GLRA1: variants seen among roughly 807,000 people sequenced by gnomAD.
The protein encoded by GLRA1 is glycine receptor alpha 1, also known as glycine receptor subunit alpha-1.
Under a neutral mutation model 48.3 loss-of-function variants are expected in GLRA1, and 37 were observed. The observed-to-expected ratio is 0.77, with a 90% CI of 0.59 to 1.01. The LOEUF is 1.01. Ranked by LOEUF, GLRA1 falls within the 50% of genes least tolerant of loss-of-function variation. GLRA1 has a pLI of 0.00. For synonymous variants in GLRA1, 196 were observed against 210.7 expected (o/e 0.93, Z 0.60); for missense variants, 427 against 571.0 (o/e 0.75, Z 2.57).
chr5:151,828,993 A>G lies in GLRA1; in HGVS notation c.987T>C (p.Tyr329=), dbSNP rs1581597301. ...LLFVFSALLE[Y]AAVNFVSRQH... is the part of the protein sequence containing the mutation. Reference sequence around the variant, plus strand: ...GCCGAGACACAAAGTTAACGGCAGCATATTCTAATAGGGCTGAGAACACAA... The same window carrying G: ...GCCGAGACACAAAGTTAACGGCAGCGTATTCTAATAGGGCTGAGAACACAA... The change falls in exon 8 of 9, where the codon TAT becomes TAC. Residue 329 remains tyrosine, a synonymous_variant. Transcript: ENST00000274576. The G allele has an allele frequency of 6.2e-7, 1 of 1,614,192 alleles. No individual in the cohort carries two copies. The highest frequency in any genetic ancestry group is 8.5e-7 in the Non-Finnish European group (1 of 1,179,990).
At chr5:151,876,081 G>A (rs1204623447) in intron 3 of GLRA1, among the ~76,000 whole-genome samples, 1 of 152,154 alleles carries the variant, frequency 6.6e-6, no homozygotes, top group Non-Finnish European at 1.5e-5. Context: ...TCACAGTAGA[G>A]CTTTTTGAAA....
At chr5:151,825,315 T>G (rs1763245901) in intron 8 of GLRA1, among the ~76,000 whole-genome samples, 1 of 152,158 alleles carries the variant, frequency 6.6e-6, no homozygotes, top group East Asian at 1.9e-4. Context: ...TATTTTTATT[T>G]TTTATTTTAA....
At chr5:151,870,142 AC>A (rs1753439909) in intron 3 of GLRA1, among the ~76,000 whole-genome samples, 1 of 149,730 alleles carries the variant, frequency 6.7e-6, no homozygotes, top group Non-Finnish European at 1.5e-5. Flanking sequence ...AATATAGTAG[AC>A]GTAGTATACT....
chr5:151,874,446 A>T (rs550432324), intron 3 of GLRA1, among the ~76,000 whole-genome samples: 27 of 152,216 alleles, frequency 1.8e-4, no homozygotes, highest in African/African-American at 5.8e-4. Context: ...AAGTACTTGG[A>T]TATGATGTTT....
intron 3 of GLRA1, among the ~76,000 whole-genome samples, chr5:151,881,448 C>G (rs946072235): frequency 6.6e-6 from 1 of 151,046 alleles, no homozygotes; most frequent in African/African-American, 2.4e-5. Flanking sequence ...AGCCCCTGCT[C>G]CAGGAGTAGC....
intron 1 of GLRA1, among the ~76,000 whole-genome samples, chr5:151,896,298 G>A (rs1173768876): frequency 1.3e-5 from 2 of 152,216 alleles, no homozygotes; most frequent in Non-Finnish European, 2.9e-5. Context: ...TCAAGTAACT[G>A]GCTCCAAGTC....
intron 3 of GLRA1, among the ~76,000 whole-genome samples, chr5:151,877,625 G>C (rs1465695015): frequency 6.6e-6 from 1 of 152,188 alleles, no homozygotes; most frequent in Non-Finnish European, 1.5e-5. Flanking sequence ...TGTTATGGGA[G>C]GGACCTGGTG....
chr5:151,909,889 T>A (rs1754566723), intron 1 of GLRA1, among the ~76,000 whole-genome samples: 1 of 151,988 alleles, frequency 6.6e-6, no homozygotes. Flanking sequence ...ATTCTTTCCA[T>A]CTCTAACTTT....
At chr5:151,910,167 A>G (rs778827122) in intron 1 of GLRA1, among the ~76,000 whole-genome samples, 26 of 152,206 alleles carry the variant, frequency 1.7e-4, no homozygotes, top group Admixed American at 6.5e-5. Context: ...AGAGAAAACA[A>G]TCAAGACGGC....
chr5:151,924,301 C>T (rs1207977263), intron 1 of GLRA1, among the ~76,000 whole-genome samples, 193 bp downstream of exon 1: 1 of 138,398 alleles, frequency 7.2e-6, no homozygotes, highest in African/African-American at 2.6e-5. Flanking sequence ...AAGCCAGACA[C>T]CCTGCGGGCG....
chr5:151,847,270 A>G (rs1752698986), intron 7 of GLRA1, among the ~76,000 whole-genome samples: 3 of 152,230 alleles, frequency 2.0e-5, no homozygotes, highest in Admixed American at 6.5e-5. Context: ...ATGTGACTCA[A>G]ACAATAATAG....
chr5:151,921,483 C>T (rs1005518915), intron 1 of GLRA1, among the ~76,000 whole-genome samples: 44 of 152,338 alleles, frequency 2.9e-4, no homozygotes, highest in African/African-American at 1.0e-3. Context: ...AAACATCCCA[C>T]AATGCCCAGG....
chr5:151,855,690 T>C (rs1753023671), intron 5 of GLRA1, among the ~76,000 whole-genome samples: 2 of 152,244 alleles, frequency 1.3e-5, no homozygotes, highest in Admixed American at 1.3e-4. Flanking sequence ...TCACGGGTAG[T>C]GCTCCAAGGA....
chr5:151,871,533 A>G (rs999014727), intron 3 of GLRA1, among the ~76,000 whole-genome samples: 2 of 149,564 alleles, frequency 1.3e-5, no homozygotes, highest in Non-Finnish European at 2.9e-5. Context: ...AACTTAATGC[A>G]ATCCTAATCA....
intron 1 of GLRA1, among the ~76,000 whole-genome samples, chr5:151,912,764 TTATC>T (rs2113454908): frequency 6.6e-6 from 1 of 152,284 alleles, no homozygotes; most frequent in Non-Finnish European, 1.5e-5. Context: ...TGGGATGACA[TTATC>T]TATGAGGGGG....
chr5:151,853,923 G>A (rs980468111), intron 6 of GLRA1, among the ~76,000 whole-genome samples: 1 of 152,152 alleles, frequency 6.6e-6, no homozygotes, highest in African/African-American at 2.4e-5. Flanking sequence ...ACAATGAGAA[G>A]TATGTGAGTT....
At chr5:151,845,856 C>T (rs1752664679) in intron 7 of GLRA1, among the ~76,000 whole-genome samples, 1 of 152,118 alleles carries the variant, frequency 6.6e-6, no homozygotes, top group African/African-American at 2.4e-5. Flanking sequence ...TATATCTATA[C>T]CATGGAATAT....
At chr5:151,886,675 A>G in intron 3 of GLRA1, 46 bp downstream of exon 3, 1 of 1,301,534 alleles carries the variant, frequency 7.7e-7, no homozygotes, top group Non-Finnish European at 1.1e-6. Flanking sequence ...TTTCATGGAG[A>G]GATATCTCCA....
intron 1 of GLRA1, among the ~76,000 whole-genome samples, chr5:151,919,035 T>A (rs1282698037): frequency 6.6e-6 from 1 of 152,204 alleles, no homozygotes; most frequent in Admixed American, 6.5e-5. Flanking sequence ...AGAGTGCATT[T>A]TAAACATTTC....
Sources: allele counts gnomAD v4.1 joint callset (sites outside exome capture counted in the v4.1 genomes callset), GRCh38; gene constraint gnomAD v4.1.1; transcripts MANE v1.5; gene names NCBI Gene and HGNC (gene_info 2026-07-23, HGNC 2026-07-21).